Variants in PPP1R2 observed in about 807,000 individuals in gnomAD.
PPP1R2 encodes protein phosphatase inhibitor 2.
A neutral mutation model predicts 29.9 loss-of-function variants in PPP1R2; 16 were observed. The observed-to-expected ratio is 0.53, with a 90% CI of 0.36 to 0.81. The LOEUF is 0.81. Among genes scored for constraint, PPP1R2 ranks in the 30% least tolerant of loss-of-function variants. PPP1R2 has a pLI of 0.00. For synonymous variants in PPP1R2, 76 were observed against 91.5 expected (o/e 0.83, Z 0.96); for missense variants, 197 against 252.7 (o/e 0.78, Z 1.49).
rs748903224 is a variant in PPP1R2, at chr3:195,532,215, C to CTTTTTCTT, written c.123-2315_123-2314insAAGAAAAA. 1.7e-3 allele frequency among the ~76,000 whole-genome samples: 204 copies of CTTTTTCTT among 120,180 alleles called. 1 individual carries two copies. The highest frequency in any genetic ancestry group is 6.3e-3 in the African/African-American group (198 of 31,678). The allele number at this position is 120,180 out of a possible 152,430, so 78.8% of individuals were successfully genotyped here. A position where few individuals can be genotyped will look rare whatever the true frequency, so the allele number is the denominator to read the frequency against. ...CCAGCTAATTTTTCTTTTTCTTTTTCTTTTTTTTTTTTTTTTTTTACAGGT... is the reference window on the plus strand; with the variant it reads ...CCAGCTAATTTTTCTTTTTCTTTTTCTTTTTCTTTTTTTTTTTTTTTTTTTTTACAGGT... On this transcript the variant is annotated intron_variant, in intron 1 of 5. Transcript: ENST00000618156.
At chr3:195,537,199 T>C (rs537977663) in intron 1 of PPP1R2, among the ~76,000 whole-genome samples, 90 of 79,076 alleles carry the variant, frequency 1.1e-3, no homozygotes, top group African/African-American at 4.4e-3. Flanking sequence ...ATATGTAGTA[T>C]AAGTTGCTTG....
chr3:195,540,224 C>G (rs1339749892), intron 1 of PPP1R2, among the ~76,000 whole-genome samples: 1 of 152,196 alleles, frequency 6.6e-6, no homozygotes, highest in East Asian at 1.9e-4. Flanking sequence ...CCGTTCACAG[C>G]CGAGGTAGCA....
intron 2 of PPP1R2, among the ~76,000 whole-genome samples, chr3:195,525,403 C>T (rs1044953739): frequency 3.3e-5 from 5 of 151,968 alleles, no homozygotes; most frequent in Admixed American, 6.6e-5. Context: ...CTGAGGATTT[C>T]GGTATCTGAG....
At chr3:195,538,841 C>T (rs1719487545) in intron 1 of PPP1R2, among the ~76,000 whole-genome samples, 1 of 152,024 alleles carries the variant, frequency 6.6e-6, no homozygotes, top group African/African-American at 2.4e-5. Context: ...TTTATTAATT[C>T]ATTTAATATT....
At chr3:195,530,733 C>T (rs939750232) in intron 1 of PPP1R2, among the ~76,000 whole-genome samples, 2 of 152,128 alleles carry the variant, frequency 1.3e-5, no homozygotes. Flanking sequence ...ACCATGTTGG[C>T]CAGGCTGGTC....
intron 2 of PPP1R2, among the ~76,000 whole-genome samples, chr3:195,528,163 C>A (rs1719044377): frequency 6.6e-6 from 1 of 152,080 alleles, no homozygotes; most frequent in South Asian, 2.1e-4. Context: ...CCCCTCCCAT[C>A]CCCAAAGTCC....
chr3:195,529,954 A>G, intron 1 of PPP1R2, 53 bp from the exon 2 acceptor site: 2 of 1,268,728 alleles, frequency 1.6e-6, no homozygotes, highest in Non-Finnish European at 2.2e-6. Flanking sequence ...GATAAACCTG[A>G]ATATCAAAAT....
At chr3:195,532,205 TTTTCTTTTTC>T (rs1719205370) in intron 1 of PPP1R2, among the ~76,000 whole-genome samples, 1 of 106,818 alleles carries the variant, frequency 9.4e-6, no homozygotes, top group East Asian at 5.0e-4. Context: ...TAATTTTTCT[TTTTCTTTTTC>T]TTTTTTTTTT....
intron 4 of PPP1R2, among the ~76,000 whole-genome samples, chr3:195,521,340 A>C (rs1306613357): frequency 6.8e-6 from 1 of 146,112 alleles, no homozygotes; most frequent in Admixed American, 6.9e-5. Context: ...AAAAAAAAAG[A>C]ACTGCAATAA....
chr3:195,538,091 G>A (rs1719460939), intron 1 of PPP1R2, among the ~76,000 whole-genome samples: 1 of 152,148 alleles, frequency 6.6e-6, no homozygotes, highest in Admixed American at 6.5e-5. Context: ...CAAAAATAGG[G>A]GCACCACCAT....
At position 195,516,632 on chromosome 3, in the gene PPP1R2, C is replaced by T; in HGVS notation, c.*264G>A. ...CTCTATAATATCTTATACAAATTAA[C>T]CAGTGTTTTTACAAAAGTAATGCAG... is the stretch of plus-strand genomic sequence containing the variant. On this transcript the variant is annotated 3_prime_UTR_variant, in exon 6 of 6. Coordinates refer to ENST00000618156, the MANE Select transcript of PPP1R2 (RefSeq NM_006241.8). The T allele has an allele frequency of 2.6e-6, 1 of 378,182 alleles. No individual in the cohort carries two copies. Among genetic ancestry groups the T allele is most frequent in the Non-Finnish European group, 4.8e-6 (1 of 209,618 alleles). 23.4% of individuals were successfully genotyped at this position (378,182 alleles called of 1,614,324 possible).
chr3:195,525,526 A>G (rs1451559111), intron 2 of PPP1R2, among the ~76,000 whole-genome samples: 1 of 152,232 alleles, frequency 6.6e-6, no homozygotes, highest in Non-Finnish European at 1.5e-5. Context: ...GGAAGGAACA[A>G]GTAATGCAAA....
chr3:195,536,168 T>C (rs1719373745), intron 1 of PPP1R2, among the ~76,000 whole-genome samples: 1 of 151,906 alleles, frequency 6.6e-6, no homozygotes, highest in Admixed American at 6.6e-5. Context: ...AGTAGTTAAG[T>C]TTTGGGGGGC....
chr3:195,522,775 T>C (rs1211662148), intron 4 of PPP1R2, among the ~76,000 whole-genome samples: 1 of 152,188 alleles, frequency 6.6e-6, no homozygotes, highest in Non-Finnish European at 1.5e-5. Context: ...GTAAATGATA[T>C]CTTAGCAGCT....
At chr3:195,540,798 T>C (rs563046498) in intron 1 of PPP1R2, among the ~76,000 whole-genome samples, 13 of 152,326 alleles carry the variant, frequency 8.5e-5, no homozygotes, top group Non-Finnish European at 1.9e-4. Context: ...GATGCACCCT[T>C]AAGACCCTGG....
intron 2 of PPP1R2, among the ~76,000 whole-genome samples, chr3:195,528,298 A>G (rs925465730): frequency 2.6e-5 from 4 of 152,314 alleles, no homozygotes; most frequent in Admixed American, 2.6e-4. Flanking sequence ...GGTTGCTGTG[A>G]ATGCCATTAT....
In PPP1R2 at chr3:195,515,761, CAAAA is replaced by C. The variant is rs200656231; in HGVS notation, c.*1131_*1134del. ...GCAAAGAAAACCCTCAAAAAACAAACAAAAAAAACCCTCAGTTAGTTGTTTTCTT... is the reference window on the plus strand; with the variant it reads ...GCAAAGAAAACCCTCAAAAAACAAACAAAACCCTCAGTTAGTTGTTTTCTT... On this transcript the variant is annotated 3_prime_UTR_variant, in exon 6 of 6. Transcript: ENST00000618156. 1 of 151,568 alleles carries C rather than the reference CAAAA, an allele frequency of 6.6e-6. No individual in the cohort carries two copies. The highest frequency in any genetic ancestry group is 1.5e-5 in the Non-Finnish European group (1 of 67,844). The allele number at this position is 151,568 out of a possible 1,614,324, so 9.4% of individuals were successfully genotyped here.
At chr3:195,527,340 C>T (rs1208994149) in intron 2 of PPP1R2, among the ~76,000 whole-genome samples, 6 of 152,070 alleles carry the variant, frequency 3.9e-5, no homozygotes, top group African/African-American at 1.4e-4. Context: ...ATCCCAGCTA[C>T]TTGGGAGGCT....
intron 1 of PPP1R2, among the ~76,000 whole-genome samples, chr3:195,535,651 C>T (rs1345315849): frequency 6.6e-6 from 1 of 152,000 alleles, no homozygotes; most frequent in Non-Finnish European, 1.5e-5. Context: ...TGAATCAGTG[C>T]CAGAGGATAC....
Sources: gnomAD v4.1 joint callset for allele counts (sites outside exome capture counted in the v4.1 genomes callset) on GRCh38, gnomAD v4.1.1 for gene constraint, MANE v1.5 for transcripts, NCBI Gene and HGNC (gene_info 2026-07-23, HGNC 2026-07-21) for gene names.